BAZ2B: variants seen among roughly 807,000 people sequenced by gnomAD.
The protein encoded by BAZ2B is bromodomain adjacent to zinc finger domain protein 2B.
In BAZ2B, 91 loss-of-function variants were observed where a neutral mutation model predicts 246.0. That is an observed-to-expected ratio of 0.37 (90% CI 0.31 to 0.44). The LOEUF is 0.44. Among genes scored for constraint, BAZ2B ranks in the 20% least tolerant of loss-of-function variants. The pLI, the probability that BAZ2B is intolerant of heterozygous loss-of-function variation, is 1.00. For synonymous variants in BAZ2B, 855 were observed against 860.0 expected, an observed-to-expected ratio of 0.99 and a Z score of 0.10; for missense variants, 2,332 against 2,533.7, an observed-to-expected ratio of 0.92 and a Z score of 1.71.
chr2:159,619,844 T>C (rs1216209731), upstream of BAZ2B, among the ~76,000 whole-genome samples: 1 of 152,106 alleles, frequency 6.6e-6, no homozygotes, highest in Admixed American at 6.5e-5. Flanking sequence ...AAACTTCAGA[T>C]AAAATAGTTG....
At chr2:159,447,801 T>C (rs1370378676) in intron 5 of BAZ2B, among the ~76,000 whole-genome samples, 3 of 152,104 alleles carry the variant, frequency 2.0e-5, no homozygotes, top group Admixed American at 6.6e-5. Context: ...TGTGAAAAGG[T>C]CTAGCATAAC....
At chr2:159,689,711 TA>T in the BAZ2B span, 1 of 414,744 alleles carries the variant, frequency 2.4e-6, no homozygotes, top group Non-Finnish European at 4.4e-6. Context: ...ATGGAGACGA[TA>T]AATAGATTGG....
chr2:159,546,396 C>T (rs557899899), intron 2 of BAZ2B, among the ~76,000 whole-genome samples: 1 of 151,104 alleles, frequency 6.6e-6, no homozygotes, highest in East Asian at 1.9e-4. Context: ...GAGGTCTCCC[C>T]AGCCACGTGG....
At chr2:159,360,649 C>T (rs1446889466) in intron 27 of BAZ2B, among the ~76,000 whole-genome samples, 1 of 152,130 alleles carries the variant, frequency 6.6e-6, no homozygotes, top group Non-Finnish European at 1.5e-5. Context: ...CCAAGACAAC[C>T]CTAAGCAGAA....
intron 2 of BAZ2B, among the ~76,000 whole-genome samples, chr2:159,524,160 C>T (rs1216127470): frequency 6.6e-6 from 1 of 152,126 alleles, no homozygotes; most frequent in Non-Finnish European, 1.5e-5. Context: ...CAGGCTCACA[C>T]CTGTAATCCC....
chr2:159,616,249 C>G lies in BAZ2B; in HGVS notation c.-53G>C, dbSNP rs188471634. 6.6e-6 allele frequency: 1 copy of G among 152,282 alleles called. No homozygotes were observed. The highest frequency in any genetic ancestry group is 1.5e-5 in the Non-Finnish European group (1 of 68,074). The allele number at this position is 152,282 out of a possible 1,614,324, so 9.4% of individuals were successfully genotyped here. A position where few individuals can be genotyped will look rare whatever the true frequency, so the allele number is the denominator to read the frequency against. ...CGAGGATTTTAAACTCACCTTTACT[C>G]TCGAACTGAGAGTTGCGGTAGATGG... On this transcript the variant is annotated 5_prime_UTR_variant, in exon 1 of 37. Coordinates refer to ENST00000392783, the MANE Select transcript of BAZ2B (RefSeq NM_013450.4).
intron 2 of BAZ2B, among the ~76,000 whole-genome samples, chr2:159,481,274 C>A (rs572406164): frequency 1.2e-3 from 183 of 152,076 alleles, no homozygotes; most frequent in African/African-American, 4.2e-3. Flanking sequence ...GAAGGCAATG[C>A]CTTTGTAATT....
the BAZ2B span, chr2:159,690,233 C>A: frequency 2.4e-6 from 1 of 411,584 alleles, no homozygotes; most frequent in South Asian, 2.1e-5. Flanking sequence ...CACATTATAT[C>A]AATCTTTCTT....
At chr2:159,570,227 C>T (rs1384342375) in intron 1 of BAZ2B, among the ~76,000 whole-genome samples, 1 of 150,792 alleles carries the variant, frequency 6.6e-6, no homozygotes, top group African/African-American at 2.4e-5. Context: ...CTCTGTGGCC[C>T]AGGCTGGAGT....
intron 30 of BAZ2B, among the ~76,000 whole-genome samples, chr2:159,348,155 C>CA (rs558276855): frequency 2.2e-3 from 338 of 151,022 alleles, no homozygotes; most frequent in African/African-American, 7.8e-3. Flanking sequence ...CCTGTCTCTA[C>CA]AAAAAATAAA....
At chr2:159,517,100 T>C (rs559849765) in intron 2 of BAZ2B, among the ~76,000 whole-genome samples, 2 of 152,208 alleles carry the variant, frequency 1.3e-5, no homozygotes, top group African/African-American at 4.8e-5. Context: ...TTTGGACAAC[T>C]TCCTGCAAAA....
the BAZ2B span, among the ~76,000 whole-genome samples, chr2:159,650,907 T>C: frequency 6.6e-6 from 1 of 152,218 alleles, no homozygotes; most frequent in African/African-American, 2.4e-5. Context: ...CAATGCCCAA[T>C]GTCTTAAAAA....
At chr2:159,440,534 T>C (rs1251131158) in intron 6 of BAZ2B, among the ~76,000 whole-genome samples, 2 of 146,788 alleles carry the variant, frequency 1.4e-5, no homozygotes, top group South Asian at 2.2e-4. Context: ...TTTTTTTTTT[T>C]CGGGGACAGT....
chr2:159,653,636 TGATAC>T, the BAZ2B span, among the ~76,000 whole-genome samples: 1 of 152,206 alleles, frequency 6.6e-6, no homozygotes, highest in East Asian at 1.9e-4. Context: ...CTGGCTTATA[TGATAC>T]GTGATGTAAT....
At chr2:159,346,562 G>C (rs2067854432) in intron 31 of BAZ2B, among the ~76,000 whole-genome samples, 1 of 151,942 alleles carries the variant, frequency 6.6e-6, no homozygotes, top group Non-Finnish European at 1.5e-5. Flanking sequence ...AAAATTAGTG[G>C]GGCATCACGG....
intron 3 of BAZ2B, among the ~76,000 whole-genome samples, chr2:159,455,062 G>T (rs1333056044): frequency 1.3e-5 from 2 of 152,098 alleles, no homozygotes; most frequent in Non-Finnish European, 2.9e-5. Flanking sequence ...AATTTACTGT[G>T]TGAACAGTAT....
chr2:159,436,050 C>A (rs976345399), intron 8 of BAZ2B, among the ~76,000 whole-genome samples: 3 of 152,096 alleles, frequency 2.0e-5, no homozygotes, highest in African/African-American at 4.8e-5. Flanking sequence ...TAGCAAAATT[C>A]TTACATAAAA....
chr2:159,492,909 T>C (rs2080658485), intron 2 of BAZ2B, among the ~76,000 whole-genome samples: 1 of 152,204 alleles, frequency 6.6e-6, no homozygotes, highest in African/African-American at 2.4e-5. Flanking sequence ...GTCAAAAATC[T>C]CAGTTAATGT....
In BAZ2B at chr2:159,347,514, C is replaced by G. The variant is rs1417369626; in HGVS notation, c.5426G>C (p.Arg1809Thr). The G allele has an allele frequency of 1.9e-6, 3 of 1,613,756 alleles. No individual in the cohort carries two copies. Residue 1809 changes from arginine (R) to threonine (T), a missense_variant, in exon 31 of 37, where the codon AGA (arginine) becomes ACA (threonine). Arg to Thr is a moderately conservative substitution (Grantham distance 71). Transcript: ENST00000392783. ...VLQQVEDLER[R>T]VASASLQVKG... is the part of the protein sequence containing the mutation. The stretch of plus-strand genomic sequence containing the variant: ...CACTTGCAAACTTGCTGATGCAACT[C>G]TCCTTTCTAGATCTTCTACCTGTTG...
Sources: allele counts gnomAD v4.1 joint callset (sites outside exome capture counted in the v4.1 genomes callset), GRCh38; gene constraint gnomAD v4.1.1; transcripts MANE v1.5; gene names NCBI Gene and HGNC (gene_info 2026-07-23, HGNC 2026-07-21).